LRRC1: variants seen among roughly 807,000 people sequenced by gnomAD.
The protein encoded by LRRC1 is leucine rich repeat containing 1.
Under a neutral mutation model 69.9 loss-of-function variants are expected in LRRC1, and 28 were observed. The observed-to-expected ratio is 0.40, with a 90% CI of 0.30 to 0.55. The LOEUF is 0.55. Among genes scored for constraint, LRRC1 ranks in the 20% least tolerant of loss-of-function variants. LRRC1 has a pLI of 0.47. For synonymous variants in LRRC1, 236 were observed against 240.2 expected (o/e 0.98, Z 0.16); for missense variants, 498 against 609.0 (o/e 0.82, Z 1.92).
intron 1 of LRRC1, among the ~76,000 whole-genome samples, chr6:53,805,175 A>G (rs1386807385): frequency 2.0e-5 from 3 of 152,188 alleles, no homozygotes; most frequent in South Asian, 4.1e-4. Context: ...TGCCACATGA[A>G]TGTGCATGCC....
intron 2 of LRRC1, among the ~76,000 whole-genome samples, chr6:53,842,888 C>G (rs1562039868): frequency 1.3e-5 from 2 of 152,206 alleles, no homozygotes; most frequent in Non-Finnish European, 2.9e-5. Context: ...ACTATTGATT[C>G]ATTTTTACTG....
At chr6:53,823,004 A>G (rs1765158994) in intron 1 of LRRC1, among the ~76,000 whole-genome samples, 1 of 152,156 alleles carries the variant, frequency 6.6e-6, no homozygotes, top group Non-Finnish European at 1.5e-5. Flanking sequence ...ATACACGAAA[A>G]TAGCTTGGAT....
chr6:53,887,442 G>A (rs1190302197), intron 4 of LRRC1, among the ~76,000 whole-genome samples: 1 of 151,624 alleles, frequency 6.6e-6, no homozygotes, highest in African/African-American at 2.4e-5. Flanking sequence ...GTTCTTTTCT[G>A]TGCGATGAAG....
chr6:53,847,600 T>G (rs928997566), intron 2 of LRRC1, among the ~76,000 whole-genome samples: 2 of 152,236 alleles, frequency 1.3e-5, no homozygotes, highest in African/African-American at 4.8e-5. Context: ...CACTGCAGAC[T>G]AAGTGGACTG....
chr6:53,848,919 G>A (rs774110465), intron 2 of LRRC1, among the ~76,000 whole-genome samples: 75 of 151,946 alleles, frequency 4.9e-4, no homozygotes, highest in Non-Finnish European at 3.7e-4. Flanking sequence ...CACCAAGCCC[G>A]GCTAATTTTG....
At chr6:53,916,959 A>G (rs1002848160) in intron 11 of LRRC1, among the ~76,000 whole-genome samples, 55 of 152,264 alleles carry the variant, frequency 3.6e-4, no homozygotes, top group Non-Finnish European at 4.4e-4. Context: ...AGTAACCACA[A>G]GTTTTTTATT....
chr6:53,857,809 G>C (rs1341578508), intron 2 of LRRC1, among the ~76,000 whole-genome samples: 1 of 152,206 alleles, frequency 6.6e-6, no homozygotes, highest in Non-Finnish European at 1.5e-5. Flanking sequence ...AAGATCAGAG[G>C]AAGGCTTGAA....
chr6:53,838,338 T>C (rs1043276798), intron 1 of LRRC1, among the ~76,000 whole-genome samples: 2 of 152,208 alleles, frequency 1.3e-5, no homozygotes, highest in African/African-American at 4.8e-5. Flanking sequence ...TAGTGGAGGA[T>C]GCTGGTAACA....
At chr6:53,812,838 G>T (rs887176675) in intron 1 of LRRC1, among the ~76,000 whole-genome samples, 6 of 152,056 alleles carry the variant, frequency 3.9e-5, no homozygotes, top group African/African-American at 1.4e-4. Flanking sequence ...GTGGAGCATG[G>T]GGTGCCTTGG....
At chr6:53,880,420 A>C (rs1767251926) in intron 3 of LRRC1, among the ~76,000 whole-genome samples, 3 of 152,110 alleles carry the variant, frequency 2.0e-5, no homozygotes, top group Admixed American at 2.0e-4. Flanking sequence ...ATAAAGTCAG[A>C]GCTCCTCTAT....
At chr6:53,921,454 G>T (rs906095029) in intron 13 of LRRC1, among the ~76,000 whole-genome samples, 5 of 152,110 alleles carry the variant, frequency 3.3e-5, no homozygotes, top group African/African-American at 9.7e-5. Flanking sequence ...AGACCTCTGT[G>T]CCTTCTTCAT....
chr6:53,824,391 C>T (rs1765201198), intron 1 of LRRC1, among the ~76,000 whole-genome samples: 1 of 152,168 alleles, frequency 6.6e-6, no homozygotes, highest in South Asian at 2.1e-4. Flanking sequence ...CATATTAGAC[C>T]TTTGTCAGAT....
intron 1 of LRRC1, among the ~76,000 whole-genome samples, chr6:53,822,540 G>A (rs1765145776): frequency 6.6e-6 from 1 of 152,144 alleles, no homozygotes; most frequent in Non-Finnish European, 1.5e-5. Context: ...AAGGTTGTTG[G>A]GGAGGGTCAG....
intron 4 of LRRC1, among the ~76,000 whole-genome samples, chr6:53,893,169 G>A (rs1767758948): frequency 6.6e-6 from 1 of 152,174 alleles, no homozygotes; most frequent in South Asian, 2.1e-4. Context: ...AGGGTGTCTT[G>A]AGGAAATAAG....
chr6:53,811,187 C>T (rs1764783629), intron 1 of LRRC1, among the ~76,000 whole-genome samples: 1 of 152,154 alleles, frequency 6.6e-6, no homozygotes, highest in Admixed American at 6.5e-5. Flanking sequence ...AGTGCCTTGG[C>T]ATAGTGAGTT....
intron 4 of LRRC1, among the ~76,000 whole-genome samples, chr6:53,888,237 T>C (rs1767553897): frequency 6.6e-6 from 1 of 152,180 alleles, no homozygotes; most frequent in Non-Finnish European, 1.5e-5. Flanking sequence ...GAAAGAATCC[T>C]AAGGAATCTG....
At chr6:53,854,175 C>T (rs1279096098) in intron 2 of LRRC1, among the ~76,000 whole-genome samples, 1 of 152,202 alleles carries the variant, frequency 6.6e-6, no homozygotes, top group Non-Finnish European at 1.5e-5. Context: ...TTCAAGCAGC[C>T]AATAAGCTTG....
chr6:53,863,382 G>A (rs1417597677), intron 2 of LRRC1, among the ~76,000 whole-genome samples: 1 of 152,178 alleles, frequency 6.6e-6, no homozygotes, highest in Non-Finnish European at 1.5e-5. Flanking sequence ...CTGTGGATGA[G>A]TGAATCTCAT....
intron 2 of LRRC1, among the ~76,000 whole-genome samples, chr6:53,845,939 T>C: frequency 6.6e-6 from 1 of 152,192 alleles, no homozygotes; most frequent in East Asian, 1.9e-4. Context: ...CAGGCACCCC[T>C]GCACCCTCCC....
Sources: gnomAD v4.1 joint callset for allele counts (sites outside exome capture counted in the v4.1 genomes callset) on GRCh38, gnomAD v4.1.1 for gene constraint, MANE v1.5 for transcripts, NCBI Gene and HGNC (gene_info 2026-07-23, HGNC 2026-07-21) for gene names.